Variants in LRBA observed in about 807,000 individuals in gnomAD.
LRBA encodes the protein LPS responsive beige-like anchor protein.
A neutral mutation model predicts 330.0 loss-of-function variants in LRBA; 176 were observed. That is an observed-to-expected ratio of 0.53 (90% CI 0.47 to 0.60). LRBA has a LOEUF of 0.60. Ranked by LOEUF, LRBA falls within the 20% of genes least tolerant of loss-of-function variation. The probability of loss-of-function intolerance (pLI) is 0.00; values close to 1 mark genes in which losing one functional copy is unlikely to be tolerated. For synonymous variants in LRBA, 1,230 were observed against 1,193.0 expected (o/e 1.03, Z -0.64); for missense variants, 3,259 against 3,444.8 (o/e 0.95, Z 1.35).
intron 40 of LRBA, among the ~76,000 whole-genome samples, chr4:150,552,013 A>G (rs988415464): frequency 1.3e-5 from 2 of 152,160 alleles, no homozygotes; most frequent in African/African-American, 4.8e-5. Flanking sequence ...ATCGTCTGAC[A>G]TTAGAGTCTC....
intron 48 of LRBA, among the ~76,000 whole-genome samples, chr4:150,339,069 A>T (rs571414979): frequency 6.6e-6 from 1 of 152,102 alleles, no homozygotes; most frequent in Non-Finnish European, 1.5e-5. Flanking sequence ...AATGACAAAA[A>T]CTACAATTAA....
At chr4:150,922,315 T>C (rs1049970455) in intron 4 of LRBA, among the ~76,000 whole-genome samples, 3 of 151,578 alleles carry the variant, frequency 2.0e-5, no homozygotes, top group Non-Finnish European at 2.9e-5. Flanking sequence ...TGCATGTTTA[T>C]AGCAGCACAA....
intron 37 of LRBA, among the ~76,000 whole-genome samples, chr4:150,646,686 C>G (rs1779166988): frequency 6.6e-6 from 1 of 151,880 alleles, no homozygotes; most frequent in African/African-American, 2.4e-5. Context: ...AAAGTGTTAG[C>G]AGAAGGAGAA....
rs376347820 is a variant in LRBA at position 150,798,076 on chromosome 4, C to T, written c.5580+5G>A. The T allele has an allele frequency of 1.3e-6, 2 of 1,585,512 alleles. No homozygotes were observed. Among genetic ancestry groups the T allele is most frequent in the Non-Finnish European group, 1.7e-6 (2 of 1,157,098 alleles). On this transcript the variant is annotated splice_donor_5th_base_variant and intron_variant, in intron 34 of 56. Transcript: ENST00000651943. ...TTTAATTCAACATTTATTCTTGCCA[C>T]TCACCTGAGAACACAGTAGCATAAC...
chr4:150,265,605 A>T lies in LRBA; in HGVS notation c.*117T>A. 1.5e-6 allele frequency: 1 copy of T among 675,940 alleles called. No homozygotes were observed. The highest frequency in any genetic ancestry group is 1.9e-5 in the South Asian group (1 of 52,472). The allele number at this position is 675,940 out of a possible 1,614,324, so 41.9% of individuals were successfully genotyped here. A position where few individuals can be genotyped will look rare whatever the true frequency, so the allele number is the denominator to read the frequency against. On this transcript the variant is annotated 3_prime_UTR_variant, in exon 57 of 57. Transcript: ENST00000651943. ...AAAAATAGCAATTATTAATAACTTT[A>T]AAAAATATTTTGCTTCTTTGAGCAA...
chr4:150,533,175 T>TTTTG (rs1168813996), intron 40 of LRBA, among the ~76,000 whole-genome samples: 2 of 152,124 alleles, frequency 1.3e-5, no homozygotes, highest in African/African-American at 2.4e-5. Flanking sequence ...ACCCATCTTT[T>TTTTG]TTTGTTTGTT....
At chr4:150,435,769 T>C in intron 45 of LRBA, 61 bp from the exon 46 acceptor site, 1 of 1,413,518 alleles carries the variant, frequency 7.1e-7, no homozygotes, top group Non-Finnish European at 9.7e-7. Context: ...GTGGTTTTTA[T>C]AAATTCTTAG....
At chr4:150,484,468 T>C (rs945555017) in intron 42 of LRBA, among the ~76,000 whole-genome samples, 2 of 151,938 alleles carry the variant, frequency 1.3e-5, no homozygotes, top group African/African-American at 2.4e-5. Flanking sequence ...TTCTTTATTT[T>C]TCTTTTAATA....
chr4:150,693,001 C>T (rs1285500552), intron 36 of LRBA, among the ~76,000 whole-genome samples: 1 of 152,098 alleles, frequency 6.6e-6, no homozygotes, highest in African/African-American at 2.4e-5. Context: ...TAGCTAAACA[C>T]TGAAAACAAC....
intron 26 of LRBA, among the ~76,000 whole-genome samples, chr4:150,846,350 G>A (rs1428517917): frequency 6.6e-6 from 1 of 152,018 alleles, no homozygotes; most frequent in Admixed American, 6.6e-5. Flanking sequence ...TCAACATGGT[G>A]AAACCCCGTC....
rs187206040 is a variant in LRBA at position 150,809,473 on chromosome 4, T to G, written c.5306-1075A>C. On this transcript the variant is annotated intron_variant, in intron 31 of 56. Coordinates refer to ENST00000651943, the MANE Select transcript of LRBA (RefSeq NM_001364905.1). Reference sequence around the variant, plus strand: ...GGAATAAGGTTATGTCAAAGGACAATGAAGCCAGCTTGAAGGGGCTCCCAC... The same window carrying G: ...GGAATAAGGTTATGTCAAAGGACAAGGAAGCCAGCTTGAAGGGGCTCCCAC... 2.6e-4 allele frequency among the ~76,000 whole-genome samples: 40 copies of G among 152,296 alleles called. 1 individual carries two copies. In the East Asian group the frequency reaches 4.1e-3, roughly 15 times the overall value.
At chr4:150,762,091 C>T (rs943914153) in intron 34 of LRBA, among the ~76,000 whole-genome samples, 11 of 151,864 alleles carry the variant, frequency 7.2e-5, no homozygotes, top group South Asian at 2.1e-4. Context: ...TTACATAACA[C>T]GATATACTAA....
chr4:150,451,190 C>T (rs887800338), intron 44 of LRBA, among the ~76,000 whole-genome samples: 6 of 152,270 alleles, frequency 3.9e-5, no homozygotes, highest in South Asian at 4.1e-4. Flanking sequence ...ACATGAGCAA[C>T]GACATCTTCA....
intron 5 of LRBA, 138 bp from the exon 6 acceptor site, chr4:150,916,876 G>C: frequency 1.5e-6 from 1 of 653,940 alleles, no homozygotes; most frequent in Non-Finnish European, 2.3e-6. Context: ...ATCTGAGGCC[G>C]GGCGCGGTGG....
chr4:150,292,020 C>A (rs1282153629), intron 53 of LRBA, among the ~76,000 whole-genome samples: 1 of 152,162 alleles, frequency 6.6e-6, no homozygotes, highest in Non-Finnish European at 1.5e-5. Context: ...GGGAATTGAA[C>A]AATGGACTTA....
At chr4:150,614,280 T>C (rs1021154242) in intron 37 of LRBA, among the ~76,000 whole-genome samples, 2 of 152,184 alleles carry the variant, frequency 1.3e-5, no homozygotes, top group East Asian at 1.9e-4. Context: ...TTTTACCCTA[T>C]AGCAATGGGG....
chr4:150,726,159 T>C (rs1355031034), intron 36 of LRBA, among the ~76,000 whole-genome samples: 1 of 152,106 alleles, frequency 6.6e-6, no homozygotes, highest in South Asian at 2.1e-4. Flanking sequence ...ATAATAACAT[T>C]AAATGTAAAT....
At chr4:150,573,048 C>A (rs1770061326) in intron 40 of LRBA, among the ~76,000 whole-genome samples, 1 of 152,110 alleles carries the variant, frequency 6.6e-6, no homozygotes, top group Non-Finnish European at 1.5e-5. Context: ...TGCCTCCCTG[C>A]CCTCCTCATC....
At chr4:150,624,306 C>T (rs1312569999) in intron 37 of LRBA, among the ~76,000 whole-genome samples, 13 of 53,910 alleles carry the variant, frequency 2.4e-4, no homozygotes, top group South Asian at 1.6e-3. Context: ...CCCTACCTCC[C>T]TATCAAAAAA....
Sources: allele counts gnomAD v4.1 joint callset (sites outside exome capture counted in the v4.1 genomes callset), GRCh38; gene constraint gnomAD v4.1.1; transcripts MANE v1.5; gene names NCBI Gene and HGNC (gene_info 2026-07-23, HGNC 2026-07-21).